The following NFATC1 variants were observed in gnomAD, a reference collection of about 807,000 sequenced individuals.
The protein encoded by NFATC1 is nuclear factor of activated T cells 1.
NFATC1 carries 22 observed loss-of-function variants against 76.0 expected under a neutral mutation model. That is an observed-to-expected ratio of 0.29 (90% confidence interval 0.21 to 0.41). The LOEUF (loss-of-function observed/expected upper bound fraction) is 0.41, where lower values mean the gene tolerates loss of function less well. Ranked by LOEUF, NFATC1 falls within the 10% of genes least tolerant of loss-of-function variation. The pLI, the probability that NFATC1 is intolerant of heterozygous loss-of-function variation, is 1.00. For missense variants in NFATC1, 1,357 were observed against 1,337.7 expected (o/e 1.01, Z -0.23); for synonymous variants, 704 against 613.1 (o/e 1.15, Z -2.19).
intron 9 of NFATC1, among the ~76,000 whole-genome samples, chr18:79,501,383 G>A (rs1410183069): frequency 2.0e-5 from 3 of 152,148 alleles, no homozygotes; most frequent in Non-Finnish European, 2.9e-5. Context: ...ACACTGAATC[G>A]TCCAAGACGG....
At chr18:79,488,655 G>A (rs967511067) in intron 9 of NFATC1, among the ~76,000 whole-genome samples, 2 of 152,246 alleles carry the variant, frequency 1.3e-5, no homozygotes, top group African/African-American at 2.4e-5. Context: ...AGCCTCCTGA[G>A]CACAGATGGA....
chr18:79,496,201 C>T (rs879677068), intron 9 of NFATC1: 2 of 152,674 alleles, frequency 1.3e-5, no homozygotes, highest in African/African-American at 4.8e-5. Context: ...CTAGCTTCCT[C>T]CTACCGCCAT....
Position 79,465,446 on chromosome 18 carries a change from C to T in NFATC1, c.1960-2004C>T, listed in dbSNP as rs1353451142. Among the ~76,000 whole-genome samples, 3 of 151,632 alleles carry T rather than the reference C, an allele frequency of 2.0e-5. No individual in the cohort carries two copies. Among genetic ancestry groups the T allele is most frequent in the Admixed American group, 6.6e-5 (1 of 15,234 alleles). Reference sequence around the variant, plus strand: ...CCACCCAGTCTGGCCCACAAGGTCCCGCCTCCGCCCAGCCAGCCTGGCCCA... The same window carrying T: ...CCACCCAGTCTGGCCCACAAGGTCCTGCCTCCGCCCAGCCAGCCTGGCCCA... On this transcript the variant is annotated intron_variant, in intron 7 of 9. Transcript: ENST00000427363. This position sits in a 1 kb window ranked among gnomAD's most constrained non-coding sequence, Gnocchi z 4.2.
intron 8 of NFATC1, among the ~76,000 whole-genome samples, chr18:79,479,714 G>A (rs555854567): frequency 6.6e-6 from 1 of 152,358 alleles, no homozygotes; most frequent in Non-Finnish European, 1.5e-5. Flanking sequence ...CGGGTCAGGC[G>A]GGGCCATTCT....
chr18:79,451,777 C>T lies in NFATC1; in HGVS notation c.1864C>T (p.Leu622=), dbSNP rs748887680. 4.3e-6 allele frequency: 7 copies of T among 1,612,892 alleles called. No homozygotes were observed. Among genetic ancestry groups the T allele is most frequent in the African/African-American group, 1.3e-5 (1 of 74,906 alleles). ...GATGGTCCTGTCTGGCCACAACTTCCTGCAGGACTCCAAGGTCATTTTCGT... is the reference window on the plus strand; with the variant it reads ...GATGGTCCTGTCTGGCCACAACTTCTTGCAGGACTCCAAGGTCATTTTCGT... The part of the protein sequence containing the change: ...KKMVLSGHNF[L]QDSKVIFVEK... Residue 622 remains leucine, a synonymous_variant, in exon 6 of 10, where the codon CTG becomes TTG. Transcript: ENST00000427363.
rs2089502390 is a variant in NFATC1 at position 79,486,536 on chromosome 18, C to A, written c.2381C>A (p.Ala794Asp). 1.3e-6 allele frequency: 2 copies of A among 1,597,262 alleles called. No individual in the cohort carries two copies. Among genetic ancestry groups the A allele is most frequent in the African/African-American group, 2.7e-5 (2 of 74,806 alleles). Reference protein sequence around the residue: ...GHCHLGLPQPAGEAPAVQDVP... With the variant: ...GHCHLGLPQPDGEAPAVQDVP... ...TGTCACCTCGGACTCCCGCAGCCGG[C>A]CGGAGAGGCCCCCGCCGTCCAGGAC... The change falls in exon 9 of 10, where the codon GCC becomes GAC. Residue 794 changes from alanine (A) to aspartate (D), a missense_variant. Ala to Asp is a moderately radical substitution (Grantham distance 126). Transcript: ENST00000427363.
In NFATC1 at chr18:79,410,608, G is replaced by C. The variant is rs751719781; in HGVS notation, c.333G>C (p.Gly111=). Residue 111 remains glycine (G), a synonymous_variant, in exon 2 of 10, where the codon GGG becomes GGC. Transcript: ENST00000427363. The surrounding 1 kb of genome is among the most constrained non-coding windows in gnomAD (Gnocchi z 6.7). ...CCTCCGGCCACACCAGGCCTGATGG[G>C]GCCCCTGCCCTGGAGAGTCCTCGCA... is the stretch of plus-strand genomic sequence containing the variant. ...FLSSGHTRPD[G]APALESPRIE... is the part of the protein sequence containing the mutation. The C allele has an allele frequency of 6.2e-7, 1 of 1,612,898 alleles. No individual in the cohort carries two copies. Among genetic ancestry groups the C allele is most frequent in the South Asian group, 1.1e-5 (1 of 91,078 alleles).
chr18:79,467,856 C>T, intron 8 of NFATC1: 1 of 1,185,532 alleles, frequency 8.4e-7, no homozygotes, highest in Non-Finnish European at 1.0e-6. Context: ...GTATAACAGC[C>T]AAGGGGAAAA....
At chr18:79,517,801 G>A (rs1463838761) in intron 9 of NFATC1, among the ~76,000 whole-genome samples, 3 of 152,198 alleles carry the variant, frequency 2.0e-5, no homozygotes, top group Non-Finnish European at 4.4e-5. Context: ...TTGAAAAAGA[G>A]GGAAGATGCT....
intron 7 of NFATC1, among the ~76,000 whole-genome samples, chr18:79,466,824 C>T (rs2088522012): frequency 6.6e-6 from 1 of 152,216 alleles, no homozygotes; most frequent in African/African-American, 2.4e-5. Flanking sequence ...CAGGAAGCAC[C>T]TGCTCCTCTG....
At chr18:79,442,161 G>A (rs1298956590) in intron 3 of NFATC1, among the ~76,000 whole-genome samples, 2 of 152,228 alleles carry the variant, frequency 1.3e-5, no homozygotes, top group East Asian at 1.9e-4. Flanking sequence ...CCGAGGCGGT[G>A]GGGGAGGGCA....
Position 79,486,394 on chromosome 18 carries a change from G to C in NFATC1, c.2239G>C (p.Gly747Arg). 1.2e-6 allele frequency: 2 copies of C among 1,612,806 alleles called. No homozygotes were observed. Among genetic ancestry groups the C allele is most frequent in the Non-Finnish European group, 1.7e-6 (2 of 1,179,956 alleles). ...PPDPSSCLVA[G>R]FPPCPQRSTL... Reference sequence around the variant, plus strand: ...CGACCCCAGCTCCTGCCTCGTGGCCGGCTTCCCGCCCTGTCCGCAGAGAAG... The same window carrying C: ...CGACCCCAGCTCCTGCCTCGTGGCCCGCTTCCCGCCCTGTCCGCAGAGAAG... The change falls in exon 9 of 10, where the codon GGC becomes CGC. Residue 747 changes from glycine to arginine, a missense_variant. By Grantham distance (125) the Gly-to-Arg change is moderately radical. This residue lies in a region of NFATC1 where 424 missense variants were observed against 395.4 expected (regional missense o/e 1.07). Transcript: ENST00000427363.
intron 8 of NFATC1, among the ~76,000 whole-genome samples, chr18:79,473,036 C>T (rs1461340073): frequency 1.3e-5 from 2 of 152,260 alleles, no homozygotes; most frequent in Non-Finnish European, 2.9e-5. Flanking sequence ...GGGGGTCAAG[C>T]CGGGACCCCT....
intron 9 of NFATC1, among the ~76,000 whole-genome samples, chr18:79,501,251 GA>G (rs1436520568): frequency 1.3e-5 from 2 of 151,940 alleles, no homozygotes; most frequent in Admixed American, 1.3e-4. Flanking sequence ...ATAAATGCAA[GA>G]AAAAAAGCAT....
At chr18:79,406,930 TG>T (rs994578068) in intron 1 of NFATC1, among the ~76,000 whole-genome samples, 23 of 152,204 alleles carry the variant, frequency 1.5e-4, no homozygotes, top group Admixed American at 6.5e-4. Flanking sequence ...CCCAGGCGTG[TG>T]GGGCGTGGGG....
chr18:79,498,123 T>C (rs1269370760), intron 9 of NFATC1: 2 of 151,794 alleles, frequency 1.3e-5, no homozygotes, highest in Admixed American at 1.3e-4. Flanking sequence ...TCATCTCCAG[T>C]TGTAAACCAA....
At chr18:79,491,578 C>T (rs1033049719) in intron 9 of NFATC1, among the ~76,000 whole-genome samples, 2 of 152,334 alleles carry the variant, frequency 1.3e-5, no homozygotes, top group South Asian at 2.1e-4. Flanking sequence ...CCCCGAGCCC[C>T]GTGAGGTGCC....
intron 3 of NFATC1, among the ~76,000 whole-genome samples, chr18:79,437,951 C>A (rs1283958214): frequency 6.6e-6 from 1 of 152,272 alleles, no homozygotes; most frequent in East Asian, 1.9e-4. Context: ...TTCCCCTTCT[C>A]TGGCCAGGGA....
chr18:79,522,100 A>T (rs1196970117), intron 9 of NFATC1, among the ~76,000 whole-genome samples: 27 of 64,982 alleles, frequency 4.2e-4, no homozygotes, highest in African/African-American at 1.6e-3. Flanking sequence ...CCGTCTGCTG[A>T]TGTGTGTTTT....
Sources: allele counts gnomAD v4.1 joint callset (sites outside exome capture counted in the v4.1 genomes callset), GRCh38; gene constraint gnomAD v4.1.1; regional missense constraint gnomAD v4.1.1; non-coding constraint Gnocchi (gnomAD v3.1); transcripts MANE v1.5; gene names NCBI Gene and HGNC (gene_info 2026-07-23, HGNC 2026-07-21).